CCSER1: variants seen among roughly 807,000 people sequenced by gnomAD.
CCSER1 encodes serine-rich coiled-coil domain-containing protein 1.
A neutral mutation model predicts 82.0 loss-of-function variants in CCSER1; 41 were observed. That is an observed-to-expected ratio of 0.50 (90% CI 0.39 to 0.65). The LOEUF is 0.65. Ranked by LOEUF, CCSER1 falls within the 30% of genes least tolerant of loss-of-function variation. The pLI, the probability that CCSER1 is intolerant of heterozygous loss-of-function variation, is 0.00. For synonymous variants in CCSER1, 414 were observed against 383.9 expected (o/e 1.08, Z -0.92); for missense variants, 1,119 against 1,064.2 (o/e 1.05, Z -0.72).
At chr4:90,586,225 T>C (rs889352785) in intron 5 of CCSER1, among the ~76,000 whole-genome samples, 3 of 152,186 alleles carry the variant, frequency 2.0e-5, no homozygotes, top group Non-Finnish European at 4.4e-5. Flanking sequence ...CTAGGTTGCG[T>C]GCTCCTTGTG....
At chr4:90,320,864 T>A (rs1462522551) in intron 3 of CCSER1, among the ~76,000 whole-genome samples, 1 of 152,114 alleles carries the variant, frequency 6.6e-6, no homozygotes, top group African/African-American at 2.4e-5. Flanking sequence ...GATTTAAAGA[T>A]CGGTTTGAGT....
chr4:90,441,463 A>G (rs959218959), intron 4 of CCSER1, among the ~76,000 whole-genome samples: 1 of 151,930 alleles, frequency 6.6e-6, no homozygotes, highest in Non-Finnish European at 1.5e-5. Flanking sequence ...AGAAAGAACA[A>G]TCTCTCTGGG....
Position 90,463,402 on chromosome 4 carries a change from G to C in CCSER1, c.1604-4832G>C, listed in dbSNP as rs966748364. Reference sequence around the variant, plus strand: ...ATTTGGGTTTTTCTATACTCAAGCTGTGTGACCTTGAAAAGTGCAATGACA... The same window carrying C: ...ATTTGGGTTTTTCTATACTCAAGCTCTGTGACCTTGAAAAGTGCAATGACA... On this transcript the variant is annotated intron_variant, in intron 4 of 10. Transcript: ENST00000509176. Among the ~76,000 whole-genome samples the C allele has an allele frequency of 2.0e-5, 3 of 152,214 alleles. No homozygotes were observed. In the East Asian group the frequency reaches 5.8e-4, roughly 29 times the overall value.
chr4:90,735,112 T>A (rs1445940795), intron 7 of CCSER1, among the ~76,000 whole-genome samples: 2 of 152,216 alleles, frequency 1.3e-5, no homozygotes, highest in East Asian at 3.8e-4. Flanking sequence ...TCTGTTGACA[T>A]GGCATGTCAT....
chr4:91,033,032 A>T (rs981251769), intron 9 of CCSER1, among the ~76,000 whole-genome samples: 1 of 150,940 alleles, frequency 6.6e-6, no homozygotes, highest in Non-Finnish European at 1.5e-5. Context: ...TGAGAGACGA[A>T]CATAGGAGAA....
intron 10 of CCSER1, among the ~76,000 whole-genome samples, chr4:91,211,315 T>G (rs1242171959): frequency 6.6e-6 from 1 of 152,052 alleles, no homozygotes; most frequent in Non-Finnish European, 1.5e-5. Context: ...CCCACAATAC[T>G]TGCTGGATGT....
chr4:91,066,692 T>C (rs1720850623), intron 9 of CCSER1, among the ~76,000 whole-genome samples: 1 of 152,200 alleles, frequency 6.6e-6, no homozygotes, highest in African/African-American at 2.4e-5. Flanking sequence ...AGAAATCATA[T>C]TCTCTATCTC....
chr4:90,735,358 T>C (rs949136395), intron 7 of CCSER1, among the ~76,000 whole-genome samples: 12 of 152,146 alleles, frequency 7.9e-5, no homozygotes, highest in Admixed American at 3.9e-4. Context: ...TGGAAGTATT[T>C]TCTCCTCTTC....
intron 9 of CCSER1, among the ~76,000 whole-genome samples, chr4:91,053,726 TA>T (rs1743197687): frequency 6.6e-6 from 1 of 152,246 alleles, no homozygotes; most frequent in Non-Finnish European, 1.5e-5. Context: ...TAAGTGAGCC[TA>T]AATGTAAATA....
chr4:90,490,899 G>A (rs187239939), intron 5 of CCSER1, among the ~76,000 whole-genome samples: 7 of 152,270 alleles, frequency 4.6e-5, no homozygotes, highest in Middle Eastern at 6.8e-3. Context: ...TTTGGTACCA[G>A]TACCATGCTG....
At chr4:90,465,466 G>T (rs1469015633) in intron 4 of CCSER1, among the ~76,000 whole-genome samples, 1 of 151,880 alleles carries the variant, frequency 6.6e-6, no homozygotes, top group African/African-American at 2.4e-5. Flanking sequence ...GACTACAGAC[G>T]TGTGCCACCA....
intron 1 of CCSER1, among the ~76,000 whole-genome samples, chr4:90,233,007 C>G (rs975459409): frequency 9.9e-5 from 15 of 151,712 alleles, no homozygotes; most frequent in Non-Finnish European, 1.9e-4. Context: ...GAAATAGGAA[C>G]ACTTTGACAC....
chr4:91,049,384 T>C (rs72886642), intron 9 of CCSER1, among the ~76,000 whole-genome samples: 1,883 of 152,286 alleles, frequency 0.012, 38 homozygotes, highest in African/African-American at 0.042. Context: ...ATTAATTTAC[T>C]GAGTGTCACA....
intron 1 of CCSER1, among the ~76,000 whole-genome samples, chr4:90,295,702 G>T (rs1731755048): frequency 6.6e-6 from 1 of 151,896 alleles, no homozygotes; most frequent in Non-Finnish European, 1.5e-5. Flanking sequence ...TTATCTGACT[G>T]GCATAGGATA....
At chr4:91,134,799 C>T (rs111524622) in intron 10 of CCSER1, among the ~76,000 whole-genome samples, 359 of 152,186 alleles carry the variant, frequency 2.4e-3, no homozygotes, top group African/African-American at 7.9e-3. Context: ...CGGTGGCTCA[C>T]GCCTGTAATC....
chr4:90,777,803 A>G (rs1383331818), intron 7 of CCSER1, among the ~76,000 whole-genome samples: 4 of 152,148 alleles, frequency 2.6e-5, no homozygotes, highest in Non-Finnish European at 4.4e-5. Context: ...AATTAAAGCC[A>G]AACAGTCCAA....
chr4:90,918,937 G>A (rs763041348), intron 8 of CCSER1, among the ~76,000 whole-genome samples: 6 of 151,570 alleles, frequency 4.0e-5, no homozygotes, highest in Non-Finnish European at 8.8e-5. Flanking sequence ...CCAATTTTGT[G>A]TTTAACTCTA....
intron 10 of CCSER1, among the ~76,000 whole-genome samples, chr4:91,115,919 A>G (rs1041890730): frequency 2.7e-5 from 4 of 146,812 alleles, no homozygotes; most frequent in East Asian, 2.0e-4. Flanking sequence ...GGCTTATTAC[A>G]TATGTATACA....
At chr4:90,168,496 C>A (rs1026837169) in intron 1 of CCSER1, among the ~76,000 whole-genome samples, 5 of 151,978 alleles carry the variant, frequency 3.3e-5, no homozygotes, top group Non-Finnish European at 7.4e-5. Context: ...CCCATTTGTC[C>A]ATTTTAGCTT....
Sources: allele counts gnomAD v4.1 joint callset (sites outside exome capture counted in the v4.1 genomes callset), GRCh38; gene constraint gnomAD v4.1.1; transcripts MANE v1.5; gene names NCBI Gene and HGNC (gene_info 2026-07-23, HGNC 2026-07-21).